TEX14: variants seen among roughly 807,000 people sequenced by gnomAD.
TEX14 encodes the protein inactive serine/threonine-protein kinase TEX14.
A neutral mutation model predicts 178.6 loss-of-function variants in TEX14; 168 were observed. That is an observed-to-expected ratio of 0.94 (90% CI 0.83 to 1.07). The LOEUF (loss-of-function observed/expected upper bound fraction) is 1.07, where lower values mean the gene tolerates loss of function less well. Among genes scored for constraint, TEX14 ranks in the 50% least tolerant of loss-of-function variants. The probability of loss-of-function intolerance (pLI) is 0.00; values close to 1 mark genes in which losing one functional copy is unlikely to be tolerated. For missense variants in TEX14, 1,730 were observed against 1,753.6 expected, an observed-to-expected ratio of 0.99 and a Z score of 0.24; for synonymous variants, 626 against 634.1, an observed-to-expected ratio of 0.99 and a Z score of 0.19.
rs2045568812 is a variant in TEX14 at position 58,604,908 on chromosome 17, C to A, written c.1336+70G>T. 8.4e-6 allele frequency: 13 copies of A among 1,541,868 alleles called. No individual in the cohort carries two copies. In the Admixed American group the frequency reaches 2.2e-4, roughly 26 times the overall value. On this transcript the variant is annotated intron_variant, in intron 11 of 31. Transcript: ENST00000349033. ...CTTCTATTTTCATAAAAGTCAGTAA[C>A]TCCTGTGGGGGGAGAAAAATGCAAC...
At chr17:58,673,489 A>AAATAAATG (rs1491228355) in intron 1 of TEX14, among the ~76,000 whole-genome samples, 52 of 127,350 alleles carry the variant, frequency 4.1e-4, no homozygotes, top group African/African-American at 1.5e-3. Context: ...TCTCAAAAAT[A>AAATAAATG]AATAAATAAA....
At chr17:58,602,318 C>A (rs1397810976) in intron 12 of TEX14, 82 bp downstream of exon 12, 1 of 1,365,086 alleles carries the variant, frequency 7.3e-7, no homozygotes, top group East Asian at 2.3e-5. Flanking sequence ...ACAACTTGGT[C>A]TCTAGCTTCA....
intron 22 of TEX14, among the ~76,000 whole-genome samples, chr17:58,573,552 CTT>C (rs1209715123): frequency 6.6e-6 from 1 of 152,092 alleles, no homozygotes; most frequent in Non-Finnish European, 1.5e-5. Context: ...GAGTTTTGCT[CTT>C]GTCACCCAGG....
At chr17:58,621,606 C>A (rs1251001203) in intron 5 of TEX14, 44 bp downstream of exon 5, 1 of 1,560,164 alleles carries the variant, frequency 6.4e-7, no homozygotes, top group South Asian at 1.2e-5. Flanking sequence ...ACGAGGAAGG[C>A]TGGGTGATGG....
At chr17:58,640,129 G>A (rs2046538631) in intron 2 of TEX14, among the ~76,000 whole-genome samples, 1 of 152,120 alleles carries the variant, frequency 6.6e-6, no homozygotes, top group East Asian at 1.9e-4. Flanking sequence ...TGGCCAACAT[G>A]GTGAAACCCT....
At chr17:58,683,246 G>GCA (rs1242883647) in intron 1 of TEX14, among the ~76,000 whole-genome samples, 1 of 151,208 alleles carries the variant, frequency 6.6e-6, no homozygotes, top group Non-Finnish European at 1.5e-5. Context: ...GGTGGCACGT[G>GCA]TCTGTAATCC....
At chr17:58,592,727 C>T (rs2045184809) in intron 15 of TEX14, among the ~76,000 whole-genome samples, 1 of 151,954 alleles carries the variant, frequency 6.6e-6, no homozygotes, top group African/African-American at 2.4e-5. Flanking sequence ...TTAGTAGAGA[C>T]GGGGTTTCAC....
chr17:58,602,558 C>G lies in TEX14; in HGVS notation c.1369G>C (p.Val457Leu), dbSNP rs1200577644. Residue 457 changes from valine (V) to leucine (L), a missense_variant, in exon 12 of 32, where the codon GTT becomes CTT. Val to Leu is a conservative substitution (Grantham distance 32). This residue lies in a region of TEX14 where 789 missense variants were observed against 681.2 expected (regional missense o/e 1.16). Coordinates refer to ENST00000349033, the MANE Select transcript of TEX14 (RefSeq NM_031272.5). ...CCCGAGACTACGGCTTTTTTAACAA[C>G]TGAGCCATCTAAGCCCTTCCAGGGT... ...DIPWKGLDGSVVKKAVVSGNY... is the reference protein window; with the variant it reads ...DIPWKGLDGSLVKKAVVSGNY... 6.2e-7 allele frequency: 1 copy of G among 1,613,900 alleles called. No homozygotes were observed. The highest frequency in any genetic ancestry group is 1.7e-5 in the Admixed American group (1 of 59,940).
At chr17:58,687,285 A>C (rs1598441647) in intron 1 of TEX14, among the ~76,000 whole-genome samples, 1 of 151,824 alleles carries the variant, frequency 6.6e-6, no homozygotes, top group East Asian at 1.9e-4. Flanking sequence ...CCTTCTCACT[A>C]TCTCTTTTAC....
At chr17:58,668,798 G>C (rs1285551792) in intron 1 of TEX14, among the ~76,000 whole-genome samples, 2 of 152,142 alleles carry the variant, frequency 1.3e-5, no homozygotes, top group Non-Finnish European at 2.9e-5. Flanking sequence ...CGAGGTAACT[G>C]GCCCAAGGGC....
intron 10 of TEX14, among the ~76,000 whole-genome samples, chr17:58,606,799 G>A (rs1463411448): frequency 6.6e-6 from 1 of 151,220 alleles, no homozygotes; most frequent in African/African-American, 2.4e-5. Flanking sequence ...AGGCCGAGGC[G>A]GGTGGATCAC....
intron 2 of TEX14, among the ~76,000 whole-genome samples, chr17:58,637,423 T>G (rs1310853296): frequency 6.6e-6 from 1 of 152,028 alleles, no homozygotes; most frequent in Non-Finnish European, 1.5e-5. Context: ...GACCGAAGCA[T>G]GATGAGAGGG....
intron 2 of TEX14, among the ~76,000 whole-genome samples, chr17:58,644,441 T>C (rs2046647864): frequency 6.6e-6 from 1 of 151,994 alleles, no homozygotes; most frequent in African/African-American, 2.4e-5. Context: ...CAAGCACTTC[T>C]TCCACCTGGG....
rs1215860546 is a variant in TEX14, at chr17:58,565,939, G to A, written c.3887-115C>T. On this transcript the variant is annotated intron_variant, in intron 26 of 31. Transcript: ENST00000349033. ...TAGACTTGCAGCATTAACATAACCC[G>A]GGAACTCGTTAGGAATGCAAATTCT... 1.9e-5 allele frequency: 15 copies of A among 784,026 alleles called. No homozygotes were observed. In the South Asian group the frequency reaches 2.0e-4, roughly 10 times the overall value. 48.6% of individuals were successfully genotyped at this position (784,026 alleles called of 1,614,324 possible). A position where few individuals can be genotyped will look rare whatever the true frequency, so the allele number is the denominator to read the frequency against.
At chr17:58,597,039 C>T (rs561539801) in intron 14 of TEX14, among the ~76,000 whole-genome samples, 2 of 152,278 alleles carry the variant, frequency 1.3e-5, no homozygotes, top group East Asian at 3.9e-4. Context: ...ACCAACTTGG[C>T]CCTTGGTTGT....
intron 21 of TEX14, among the ~76,000 whole-genome samples, chr17:58,575,644 A>G (rs950690650): frequency 6.6e-6 from 1 of 152,200 alleles, no homozygotes; most frequent in African/African-American, 2.4e-5. Flanking sequence ...TCTGGGCAGA[A>G]ACTTTAACAG....
chr17:58,643,908 GCCT>G (rs2046633911), intron 2 of TEX14, among the ~76,000 whole-genome samples: 1 of 91,798 alleles, frequency 1.1e-5, no homozygotes, highest in Admixed American at 1.1e-4. Flanking sequence ...AAAAAAAGAA[GCCT>G]AAGTCATCTT....
At chr17:58,655,308 C>T (rs2046930843) in intron 1 of TEX14, among the ~76,000 whole-genome samples, 1 of 151,980 alleles carries the variant, frequency 6.6e-6, no homozygotes, top group South Asian at 2.1e-4. Flanking sequence ...CTCAGCCTCC[C>T]GAGTAGCTAG....
Position 58,584,614 on chromosome 17 carries a change from C to A in TEX14, c.3071-14G>T. On this transcript the variant is annotated splice_polypyrimidine_tract_variant and intron_variant, in intron 18 of 31. Transcript: ENST00000349033. ...GGTGCCTGATACCTAATGATTGTAA[C>A]ACAGTCAGGGTCAAAGTCATTCAGT... 6.3e-7 allele frequency: 1 copy of A among 1,579,622 alleles called. No homozygotes were observed. Among genetic ancestry groups the A allele is most frequent in the Non-Finnish European group, 8.7e-7 (1 of 1,148,638 alleles).
Sources: allele counts gnomAD v4.1 joint callset (sites outside exome capture counted in the v4.1 genomes callset), GRCh38; gene constraint gnomAD v4.1.1; regional missense constraint gnomAD v4.1.1; transcripts MANE v1.5; gene names NCBI Gene and HGNC (gene_info 2026-07-23, HGNC 2026-07-21).